SNX25: variants seen among roughly 807,000 people sequenced by gnomAD.
SNX25 encodes sorting nexin 25, also known as sorting nexin-25.
Under a neutral mutation model 113.7 loss-of-function variants are expected in SNX25, and 62 were observed. That is an observed-to-expected ratio of 0.55 (90% CI 0.44 to 0.67). SNX25 has a LOEUF of 0.67. Among genes scored for constraint, SNX25 ranks in the 30% least tolerant of loss-of-function variants. The pLI is 0.00. For missense variants in SNX25, 1,014 were observed against 1,161.0 expected (o/e 0.87, Z 1.84); for synonymous variants, 421 against 436.2 (o/e 0.97, Z 0.43).
At chr4:185,240,979 T>C (rs1440577724) in intron 1 of SNX25, among the ~76,000 whole-genome samples, 1 of 145,830 alleles carries the variant, frequency 6.9e-6, no homozygotes, top group Admixed American at 6.8e-5. Flanking sequence ...GCAGAGACGC[T>C]CCTCACTTTC....
At chr4:185,303,646 G>A (rs1402644099) in intron 6 of SNX25, among the ~76,000 whole-genome samples, 2 of 135,196 alleles carry the variant, frequency 1.5e-5, no homozygotes. Flanking sequence ...GCGACAGAGC[G>A]AGACTCTGTC....
chr4:185,317,489 A>G (rs1430614885), intron 7 of SNX25, among the ~76,000 whole-genome samples: 1 of 152,236 alleles, frequency 6.6e-6, no homozygotes, highest in Non-Finnish European at 1.5e-5. Flanking sequence ...CCAAAGGATT[A>G]TAAATCATTC....
chr4:185,253,705 G>C (rs1745999797), intron 2 of SNX25, among the ~76,000 whole-genome samples: 1 of 152,164 alleles, frequency 6.6e-6, no homozygotes. Flanking sequence ...CTGAGCTCAG[G>C]TGATCCACCG....
At chr4:185,360,005 A>G (rs1196965033) in intron 16 of SNX25, among the ~76,000 whole-genome samples, 4 of 152,208 alleles carry the variant, frequency 2.6e-5, no homozygotes, top group Non-Finnish European at 5.9e-5. Flanking sequence ...CAGCAGCAGC[A>G]CAGTGCGTGT....
At chr4:185,325,778 G>A (rs2095153068) in intron 9 of SNX25, among the ~76,000 whole-genome samples, 1 of 152,136 alleles carries the variant, frequency 6.6e-6, no homozygotes, top group Non-Finnish European at 1.5e-5. Flanking sequence ...GAGATTCCAA[G>A]ATAACTTGGG....
At chr4:185,310,603 T>C (rs1487330313) in intron 6 of SNX25, 32 bp from the exon 7 acceptor site, 2 of 1,592,100 alleles carry the variant, frequency 1.3e-6, no homozygotes, top group Admixed American at 3.4e-5. Context: ...CCTTGTCCTC[T>C]GACCAGGTAC....
chr4:185,341,916 T>C, intron 11 of SNX25, 60 bp from the exon 12 acceptor site: 1 of 1,528,892 alleles, frequency 6.5e-7, no homozygotes, highest in East Asian at 2.3e-5. Flanking sequence ...CTTACAGATC[T>C]TCCTTCTGCA....
intron 13 of SNX25, among the ~76,000 whole-genome samples, chr4:185,349,145 A>G (rs1262947613): frequency 6.6e-6 from 1 of 152,192 alleles, no homozygotes; most frequent in Non-Finnish European, 1.5e-5. Context: ...GGCCACACAT[A>G]AAATACACTA....
Position 185,288,096 on chromosome 4 carries a change from TG to T in SNX25, c.1162+15del. On this transcript the variant is annotated intron_variant, in intron 6 of 18. Transcript: ENST00000652585. The stretch of plus-strand genomic sequence containing the variant: ...AGAGGCACAAAGGTAAGAGCCAGGT[TG>T]TTTTCTTCAGTTCCACATCTGAAAG... The T allele has an allele frequency of 6.2e-7, 1 of 1,609,974 alleles. No individual in the cohort carries two copies. Among genetic ancestry groups the T allele is most frequent in the Non-Finnish European group, 8.5e-7 (1 of 1,177,816 alleles).
chr4:185,347,734 G>A (rs1411646791), intron 13 of SNX25, among the ~76,000 whole-genome samples: 1 of 152,154 alleles, frequency 6.6e-6, no homozygotes, highest in East Asian at 1.9e-4. Context: ...ACCTCCCAAA[G>A]TGCTGGGACT....
intron 6 of SNX25, among the ~76,000 whole-genome samples, chr4:185,304,123 A>G (rs1471374661): frequency 2.6e-5 from 4 of 152,126 alleles, no homozygotes; most frequent in African/African-American, 4.8e-5. Context: ...CCTTCCATCA[A>G]GAGGATTTAG....
At chr4:185,356,628 T>C (rs185212743) in intron 15 of SNX25, among the ~76,000 whole-genome samples, 23 of 152,374 alleles carry the variant, frequency 1.5e-4, no homozygotes, top group Admixed American at 6.5e-4. Context: ...AGTATATTAA[T>C]GTCTAGTGCC....
intron 2 of SNX25, among the ~76,000 whole-genome samples, chr4:185,248,908 A>G (rs552004528): frequency 6.6e-6 from 1 of 152,164 alleles, no homozygotes; most frequent in Admixed American, 6.5e-5. Context: ...GGAACCATAC[A>G]GTGTGTATTC....
Position 185,209,745 on chromosome 4 carries a change from G to C in SNX25, c.-82G>C, listed in dbSNP as rs1560886068. On this transcript the variant is annotated 5_prime_UTR_variant, in exon 1 of 19. Coordinates refer to ENST00000652585, the MANE Select transcript of SNX25 (RefSeq NM_001378034.2). This position sits in a 1 kb window ranked among gnomAD's most constrained non-coding sequence, Gnocchi z 5.2. ...GGTGGGCCGCGGGCGAGGCATGAGC[G>C]CGGGCTCCCCCTGCCTCCGGAGCGC... 1 of 983,910 alleles carries C rather than the reference G, an allele frequency of 1.0e-6. No individual in the cohort carries two copies. Among genetic ancestry groups the C allele is most frequent in the Non-Finnish European group, 1.2e-6 (1 of 829,382 alleles). 60.9% of individuals were successfully genotyped at this position (983,910 alleles called of 1,614,324 possible).
intron 6 of SNX25, among the ~76,000 whole-genome samples, chr4:185,289,299 A>T (rs1186634472): frequency 6.6e-6 from 1 of 152,210 alleles, no homozygotes; most frequent in African/African-American, 2.4e-5. Flanking sequence ...AGGTGGTCAC[A>T]TGTTCCTTGG....
intron 1 of SNX25, among the ~76,000 whole-genome samples, chr4:185,227,226 G>A (rs1741148991): frequency 6.6e-6 from 1 of 152,246 alleles, no homozygotes; most frequent in African/African-American, 2.4e-5. Context: ...TTGTTGGCAT[G>A]GGGGACAGGA....
At chr4:185,312,504 C>T (rs1579740569) in intron 7 of SNX25, among the ~76,000 whole-genome samples, 1 of 151,814 alleles carries the variant, frequency 6.6e-6, no homozygotes, top group East Asian at 1.9e-4. Context: ...ACCCAGAGTG[C>T]CAGATCATTT....
intron 13 of SNX25, among the ~76,000 whole-genome samples, chr4:185,349,389 T>C (rs958942428): frequency 1.3e-5 from 2 of 152,230 alleles, no homozygotes; most frequent in Non-Finnish European, 2.9e-5. Context: ...TGCAGATATA[T>C]CTTTGACATA....
intron 1 of SNX25, among the ~76,000 whole-genome samples, chr4:185,239,629 C>A (rs2126449087): frequency 6.6e-6 from 1 of 151,970 alleles, no homozygotes; most frequent in East Asian, 1.9e-4. Flanking sequence ...AGGTTTAAAT[C>A]TTAAAATGAA....
Sources: gnomAD v4.1 joint callset for allele counts (sites outside exome capture counted in the v4.1 genomes callset) on GRCh38, gnomAD v4.1.1 for gene constraint, Gnocchi (gnomAD v3.1) non-coding constraint, MANE v1.5 for transcripts, NCBI Gene and HGNC (gene_info 2026-07-23, HGNC 2026-07-21) for gene names.